ERCC6: variants seen among roughly 807,000 people sequenced by gnomAD.
ERCC6 encodes the protein DNA excision repair protein ERCC-6.
A neutral mutation model predicts 158.7 loss-of-function variants in ERCC6; 116 were observed. That is an observed-to-expected ratio of 0.73 (90% CI 0.63 to 0.85). ERCC6 has a LOEUF of 0.85. Among genes scored for constraint, ERCC6 ranks in the 40% least tolerant of loss-of-function variants. The pLI is 0.00. For missense variants in ERCC6, 1,698 were observed against 1,799.4 expected, an observed-to-expected ratio of 0.94 and a Z score of 1.02; for synonymous variants, 678 against 659.3, an observed-to-expected ratio of 1.03 and a Z score of -0.43.
At position 49,456,915 on chromosome 10, in the gene ERCC6, A is replaced by G. The variant is rs1850492668; in HGVS notation, c.*1900T>C. 1 of 152,238 alleles carries G rather than the reference A, an allele frequency of 6.6e-6. No individual in the cohort carries two copies. Among genetic ancestry groups the G allele is most frequent in the African/African-American group, 2.4e-5 (1 of 41,452 alleles). 9.4% of individuals were successfully genotyped at this position (152,238 alleles called of 1,614,324 possible). On this transcript the variant is annotated 3_prime_UTR_variant, in exon 21 of 21. Coordinates refer to ENST00000355832, the MANE Select transcript of ERCC6 (RefSeq NM_000124.4). ...TCATGGTACATCAGCAGCAGAACTG[A>G]GACAAAAACTGGAACAAGGACCACC... is the stretch of plus-strand genomic sequence containing the variant.
upstream of ERCC6, among the ~76,000 whole-genome samples, chr10:49,539,221 C>A (rs936690321): frequency 5.3e-5 from 8 of 152,254 alleles, no homozygotes; most frequent in African/African-American, 1.2e-4. Context: ...GCGAGCAGGG[C>A]GAGAAAGCTG....
intron 1 of ERCC6, among the ~76,000 whole-genome samples, chr10:49,537,909 A>C (rs895453428): frequency 2.8e-4 from 42 of 152,288 alleles, no homozygotes; most frequent in African/African-American, 9.9e-4. Context: ...TTTAGTAAAG[A>C]CAGGGTTTCA....
intron 8 of ERCC6, among the ~76,000 whole-genome samples, chr10:49,485,167 A>G (rs1246377655): frequency 1.3e-5 from 2 of 152,188 alleles, no homozygotes; most frequent in East Asian, 3.8e-4. Flanking sequence ...ACCACAGACC[A>G]TGCTCACAGC....
intron 13 of ERCC6, 85 bp downstream of exon 13, chr10:49,473,942 A>G: frequency 2.4e-6 from 3 of 1,227,446 alleles, no homozygotes; most frequent in Non-Finnish European, 3.6e-6. Flanking sequence ...CTTCAGAATC[A>G]TTACTTTAGA....
At chr10:49,478,554 T>TAAAA in intron 10 of ERCC6, 84 bp from the exon 11 acceptor site, 8 of 698,352 alleles carry the variant, frequency 1.1e-5, no homozygotes, top group East Asian at 1.1e-4. Flanking sequence ...TTCCATTCCT[T>TAAAA]AAAAAAAAAA....
intron 16 of ERCC6, among the ~76,000 whole-genome samples, chr10:49,471,978 A>G (rs780917091): frequency 1.3e-5 from 2 of 152,262 alleles, no homozygotes. Flanking sequence ...AAAGACTGCC[A>G]GAACACCCAC....
chr10:49,444,852 GA>G, the ERCC6 span, among the ~76,000 whole-genome samples: 1 of 151,854 alleles, frequency 6.6e-6, no homozygotes, highest in African/African-American at 2.4e-5. Context: ...AAAAAGTAAA[GA>G]AAAAATAACT....
rs777568431 is a variant in ERCC6 at position 49,470,496 on chromosome 10, T to C, written c.3464A>G (p.Tyr1155Cys). The change falls in exon 18 of 21, where the codon TAC (tyrosine) becomes TGC (cysteine). Residue 1155 changes from tyrosine (Y) to cysteine (C), a missense_variant. By Grantham distance (194) the Tyr-to-Cys change is radical. Transcript: ENST00000355832. ...ESIDEKLGLS[Y>C]KRERPSQAQT... ...AGCCTGGCTGGGTCTTTCTCTTTTG[T>C]AAGAAAGACCTAACTTTTCATCAAT... The C allele has an allele frequency of 1.2e-6, 2 of 1,614,206 alleles. No individual in the cohort carries two copies. Among genetic ancestry groups the C allele is most frequent in the Admixed American group, 3.3e-5 (2 of 60,034 alleles).
the ERCC6 span, among the ~76,000 whole-genome samples, chr10:49,448,999 A>G: frequency 6.6e-6 from 1 of 152,222 alleles, no homozygotes; most frequent in African/African-American, 2.4e-5. Flanking sequence ...TATACCTAGG[A>G]GAGGAATTTC....
chr10:49,461,422 G>C lies in ERCC6; in HGVS notation c.3913C>G (p.Leu1305Val), dbSNP rs371533699. The C allele has an allele frequency of 6.2e-7, 1 of 1,614,170 alleles. No homozygotes were observed. Among genetic ancestry groups the C allele is most frequent in the Non-Finnish European group, 8.5e-7 (1 of 1,180,034 alleles). Residue 1305 changes from leucine (L) to valine (V), a missense_variant, in exon 19 of 21, where the codon CTG becomes GTG. Physicochemically the swap from Leu to Val is conservative, Grantham distance 32 (BLOSUM62 1). Transcript: ENST00000355832. The stretch of plus-strand genomic sequence containing the variant: ...GTGGGAACACCAGACACTGCTCCCA[G>C]ACACCGCTGACGAGAGAGCCTCAGT... ...KALRLSRQRCLGAVSGVPTWT... is the reference protein window; with the variant it reads ...KALRLSRQRCVGAVSGVPTWT...
At chr10:49,461,633 AG>A (rs1404547855) in intron 18 of ERCC6, 77 bp from the exon 19 acceptor site, 2 of 1,415,126 alleles carry the variant, frequency 1.4e-6, no homozygotes, top group Admixed American at 2.0e-5. Context: ...GTATAAGTAC[AG>A]TACTGTAGTA....
downstream of ERCC6, among the ~76,000 whole-genome samples, chr10:49,449,870 G>GTTTTCTT (rs765252089): frequency 1.9e-4 from 28 of 148,548 alleles, no homozygotes; most frequent in African/African-American, 6.4e-4. Context: ...ATTTTAACTT[G>GTTTTCTT]TTTTCTTTTT....
intron 8 of ERCC6, among the ~76,000 whole-genome samples, chr10:49,489,162 G>A (rs1851129850): frequency 6.6e-6 from 1 of 152,146 alleles, no homozygotes. Flanking sequence ...AGAATAAAAG[G>A]TCTAGATGAT....
At chr10:49,446,255 ACACC>A in the ERCC6 span, among the ~76,000 whole-genome samples, 5,983 of 102,220 alleles carry the variant, frequency 0.059, 137 homozygotes, top group Non-Finnish European at 0.066. Context: ...ACACACACAC[ACACC>A]CCCCAATTTA....
In ERCC6 at chr10:49,493,220, C is replaced by G; in HGVS notation, c.1718G>C (p.Cys573Ser). Residue 573 changes from cysteine to serine, a missense_variant, in exon 8 of 21, where the codon TGT becomes TCT. Transcript: ENST00000355832. ...FEGLGPTVIV[C>S]PTTVMHQWVK... ...CCACTGATGCATCACTGTTGTTGGA[C>G]AGACAATTACAGTTGGACCCAACCC... 6.2e-7 allele frequency: 1 copy of G among 1,614,094 alleles called. No individual in the cohort carries two copies. Among genetic ancestry groups the G allele is most frequent in the Non-Finnish European group, 8.5e-7 (1 of 1,180,000 alleles).
At chr10:49,473,139 A>T in intron 14 of ERCC6, 111 bp from the exon 15 acceptor site, 1 of 1,449,100 alleles carries the variant, frequency 6.9e-7, no homozygotes, top group Non-Finnish European at 9.6e-7. Context: ...TCCCAATATA[A>T]GGAATGGTAA....
chr10:49,466,365 C>T (rs758490857), intron 18 of ERCC6, among the ~76,000 whole-genome samples: 27 of 152,062 alleles, frequency 1.8e-4, no homozygotes, highest in Non-Finnish European at 2.9e-4. Flanking sequence ...TAACTCAGTA[C>T]GTTGTGAATG....
Position 49,458,813 on chromosome 10 carries a change from G to A in ERCC6, c.*2C>T, listed in dbSNP as rs774913453. ...ACTTGAAAGTTTAGGAAGCAATGTT[G>A]TTTAGCAGTATTCTGGCTTGAGTTT... On this transcript the variant is annotated 3_prime_UTR_variant, in exon 21 of 21. Coordinates refer to ENST00000355832, the MANE Select transcript of ERCC6 (RefSeq NM_000124.4). 4 of 1,614,048 alleles carry A rather than the reference G, an allele frequency of 2.5e-6. No homozygotes were observed. Among genetic ancestry groups the A allele is most frequent in the Non-Finnish European group, 3.4e-6 (4 of 1,179,908 alleles).
chr10:49,456,005 A>C lies in ERCC6; in HGVS notation c.*2810T>G, dbSNP rs1252826471. On this transcript the variant is annotated 3_prime_UTR_variant, in exon 21 of 21. Transcript: ENST00000355832. ...ATTAATCCAACAATTCTGTGCAGGC[A>C]GAGCTATACTTACAGGAATAGAAAT... The C allele has an allele frequency of 1.3e-5, 2 of 152,260 alleles. No homozygotes were observed. Among genetic ancestry groups the C allele is most frequent in the African/African-American group, 4.8e-5 (2 of 41,470 alleles). 9.4% of individuals were successfully genotyped at this position (152,260 alleles called of 1,614,324 possible).
Sources: allele counts gnomAD v4.1 joint callset (sites outside exome capture counted in the v4.1 genomes callset), GRCh38; gene constraint gnomAD v4.1.1; transcripts MANE v1.5; gene names NCBI Gene and HGNC (gene_info 2026-07-23, HGNC 2026-07-21).